The following CLEC16A variants were observed in gnomAD, a reference collection of about 807,000 sequenced individuals.
CLEC16A encodes the protein protein CLEC16A.
CLEC16A carries 51 observed loss-of-function variants against 109.5 expected under a neutral mutation model. The ratio of observed to expected loss-of-function variants is 0.47; its 90% CI spans 0.37 to 0.59. The LOEUF (loss-of-function observed/expected upper bound fraction) is 0.59. Among genes scored for constraint, CLEC16A ranks in the 20% least tolerant of loss-of-function variants. CLEC16A has a pLI of 0.00. For synonymous variants in CLEC16A, 673 were observed against 564.2 expected (o/e 1.19, Z -2.73); for missense variants, 1,339 against 1,394.0 (o/e 0.96, Z 0.63).
At chr16:11,029,055 G>C (rs780393385) in intron 13 of CLEC16A, among the ~76,000 whole-genome samples, 1 of 152,180 alleles carries the variant, frequency 6.6e-6, no homozygotes, top group African/African-American at 2.4e-5. Flanking sequence ...GTTTTTCACA[G>C]TTGGATGCTG....
intron 15 of CLEC16A, 94 bp downstream of exon 15, chr16:11,042,457 C>A: frequency 1.0e-6 from 1 of 962,760 alleles, no homozygotes; most frequent in Non-Finnish European, 1.5e-6. Flanking sequence ...GAGCCCTGGC[C>A]CGTGGTGTCA....
chr16:11,010,846 C>CT (rs952325623), intron 11 of CLEC16A, among the ~76,000 whole-genome samples: 7 of 152,018 alleles, frequency 4.6e-5, no homozygotes, highest in African/African-American at 7.2e-5. Flanking sequence ...GCGACATTGA[C>CT]TTTTTTTTGA....
intron 23 of CLEC16A, among the ~76,000 whole-genome samples, chr16:11,175,432 C>G (rs935090995): frequency 2.0e-5 from 3 of 152,220 alleles, no homozygotes; most frequent in African/African-American, 7.2e-5. Context: ...TTCAAAAACA[C>G]CAGCAGGCAT....
chr16:11,049,879 G>A (rs925715129), intron 17 of CLEC16A, among the ~76,000 whole-genome samples: 4 of 152,224 alleles, frequency 2.6e-5, no homozygotes, highest in Non-Finnish European at 2.9e-5. Flanking sequence ...GGGGTTAGAG[G>A]ATTTGGAGTG....
At chr16:11,141,482 G>A (rs2053825639) in intron 22 of CLEC16A, among the ~76,000 whole-genome samples, 1 of 152,264 alleles carries the variant, frequency 6.6e-6, no homozygotes, top group Non-Finnish European at 1.5e-5. Context: ...ACGGGGTGTG[G>A]GGGGCACTGG....
At chr16:11,102,164 A>G (rs577178731) in intron 19 of CLEC16A, among the ~76,000 whole-genome samples, 2 of 152,168 alleles carry the variant, frequency 1.3e-5, no homozygotes, top group South Asian at 2.1e-4. Flanking sequence ...GAGATTCTCC[A>G]TTTTTACCAT....
intron 15 of CLEC16A, among the ~76,000 whole-genome samples, chr16:11,043,018 C>G (rs1597173618): frequency 6.6e-6 from 1 of 151,344 alleles, no homozygotes; most frequent in Admixed American, 6.6e-5. Flanking sequence ...AATGAAACAT[C>G]TATTTACATA....
rs1335221217 is a variant in CLEC16A at position 11,060,772 on chromosome 16, G to A, written c.1996-130G>A. The A allele has an allele frequency of 2.2e-5, 21 of 942,428 alleles. 1 individual carries two copies. The Admixed American group carries it at 3.6e-4, about 16-fold the overall frequency. 58.4% of individuals were successfully genotyped at this position (942,428 alleles called of 1,614,324 possible). A position where few individuals can be genotyped will look rare whatever the true frequency, so the allele number is the denominator to read the frequency against. ...AGCACGTACCAGAATCAAAACACCC[G>A]AAGAGGTGGGCTTTATTGCGTTTCT... On this transcript the variant is annotated intron_variant, in intron 18 of 23. Coordinates refer to ENST00000409790, the MANE Select transcript of CLEC16A (RefSeq NM_015226.3).
In CLEC16A at chr16:10,959,469, G is replaced by A. The variant is rs558772621; in HGVS notation, c.209+1559G>A. Among the ~76,000 whole-genome samples, 27 of 152,238 alleles carry A rather than the reference G, an allele frequency of 1.8e-4. No individual in the cohort carries two copies. In the East Asian group the frequency reaches 5.0e-3, roughly 28 times the overall value. ...TGCATTGGCGGGATCCCGGCTCACCGCAACCTCTGCCTCCCAGTTTCAAGC... is the reference window on the plus strand; with the variant it reads ...TGCATTGGCGGGATCCCGGCTCACCACAACCTCTGCCTCCCAGTTTCAAGC... On this transcript the variant is annotated intron_variant, in intron 2 of 23. Transcript: ENST00000409790.
intron 22 of CLEC16A, 99 bp downstream of exon 22, chr16:11,126,245 C>G (rs770323366): frequency 3.2e-6 from 5 of 1,573,070 alleles, no homozygotes; most frequent in Middle Eastern, 1.7e-4. Flanking sequence ...CTTCCTCTCT[C>G]AGAAGCCCCG....
At chr16:11,022,094 A>G (rs1285603446) in intron 12 of CLEC16A, among the ~76,000 whole-genome samples, 2 of 152,182 alleles carry the variant, frequency 1.3e-5, no homozygotes, top group Non-Finnish European at 1.5e-5. Flanking sequence ...CTTGAAGCAC[A>G]TGGCTTCTAA....
intron 23 of CLEC16A, among the ~76,000 whole-genome samples, chr16:11,168,224 AGT>A (rs1443507012): frequency 6.6e-6 from 1 of 152,112 alleles, no homozygotes; most frequent in Non-Finnish European, 1.5e-5. Context: ...TGGTGTCTGC[AGT>A]GTGTGCTAGT....
At chr16:11,150,469 T>G (rs2054250462) in intron 22 of CLEC16A, among the ~76,000 whole-genome samples, 1 of 152,200 alleles carries the variant, frequency 6.6e-6, no homozygotes, top group African/African-American at 2.4e-5. Context: ...CATCCTAGTC[T>G]TTTTCTATCC....
intron 22 of CLEC16A, among the ~76,000 whole-genome samples, chr16:11,129,480 A>G (rs2053048333): frequency 6.6e-6 from 1 of 152,194 alleles, no homozygotes; most frequent in Non-Finnish European, 1.5e-5. Context: ...TGGCCTCTGG[A>G]AAACTCCTCA....
intron 19 of CLEC16A, among the ~76,000 whole-genome samples, chr16:11,071,384 A>G (rs1395724312): frequency 6.6e-6 from 1 of 152,182 alleles, no homozygotes; most frequent in East Asian, 1.9e-4. Flanking sequence ...TGAGTTTTTC[A>G]AGAATGTAAA....
intron 22 of CLEC16A, chr16:11,156,653 T>TGGA (rs1369198756): frequency 6.9e-6 from 9 of 1,304,272 alleles, no homozygotes; most frequent in Non-Finnish European, 7.1e-6. Context: ...CAGACTGTTG[T>TGGA]GGAGGTCTTT....
At chr16:11,100,991 C>G (rs1438809193) in intron 19 of CLEC16A, among the ~76,000 whole-genome samples, 2 of 152,142 alleles carry the variant, frequency 1.3e-5, no homozygotes, top group African/African-American at 4.8e-5. Context: ...TCATTTTCAG[C>G]CCTGCAGCCC....
intron 1 of CLEC16A, among the ~76,000 whole-genome samples, chr16:10,946,432 G>A (rs986228330): frequency 1.6e-4 from 24 of 152,144 alleles, no homozygotes; most frequent in African/African-American, 2.9e-4. Context: ...GTGGTGAGGG[G>A]CACTTTTAGA....
chr16:11,031,388 G>C (rs2046734745), intron 13 of CLEC16A, among the ~76,000 whole-genome samples: 1 of 152,220 alleles, frequency 6.6e-6, no homozygotes, highest in African/African-American at 2.4e-5. Context: ...ACGGGGAGCA[G>C]AGACGTCATG....
Sources: allele counts gnomAD v4.1 joint callset (sites outside exome capture counted in the v4.1 genomes callset), GRCh38; gene constraint gnomAD v4.1.1; transcripts MANE v1.5; gene names NCBI Gene and HGNC (gene_info 2026-07-23, HGNC 2026-07-21).